The following RAB27A variants were observed in gnomAD, a reference collection of about 807,000 sequenced individuals.
RAB27A encodes RAB27A, member RAS oncogene family, also known as ras-related protein Rab-27A.
A neutral mutation model predicts 20.8 loss-of-function variants in RAB27A; 17 were observed. The observed-to-expected ratio is 0.82, with a 90% CI of 0.56 to 1.23. RAB27A has a LOEUF of 1.23. RAB27A is among the 50% of genes most tolerant of loss of function. The probability of loss-of-function intolerance (pLI) is 0.00; values close to 1 mark genes in which losing one functional copy is unlikely to be tolerated. For synonymous variants in RAB27A, 85 were observed against 92.8 expected, an observed-to-expected ratio of 0.92 and a Z score of 0.48; for missense variants, 277 against 266.7, an observed-to-expected ratio of 1.04 and a Z score of -0.27.
At chr15:55,303,116 C>T (rs1407320070) in intron 2 of RAB27A, among the ~76,000 whole-genome samples, 5 of 131,656 alleles carry the variant, frequency 3.8e-5, no homozygotes, top group South Asian at 2.5e-4. Flanking sequence ...CCAGCCGTGC[C>T]GTCCGGGAGG....
At chr15:55,227,068 T>A (rs1195269145) in intron 5 of RAB27A, among the ~76,000 whole-genome samples, 2 of 152,200 alleles carry the variant, frequency 1.3e-5, no homozygotes, top group African/African-American at 4.8e-5. Flanking sequence ...ATTAAATATA[T>A]AAAATCTTCA....
rs4462532 is a variant in RAB27A at position 55,281,016 on chromosome 15, T to C, written c.-143+8700A>G. Among the ~76,000 whole-genome samples, 26 of 152,350 alleles carry C rather than the reference T, an allele frequency of 1.7e-4. No individual in the cohort carries two copies. The South Asian group carries it at 5.0e-3, about 29-fold the overall frequency. On this transcript the variant is annotated intron_variant, in intron 1 of 6. Coordinates refer to ENST00000336787, the MANE Select transcript of RAB27A (RefSeq NM_183235.3). ...AGCATGATTTATAATCCTTTGGGCATATACCCAGTAATGGGATTGCTGGGT... is the reference window on the plus strand; with the variant it reads ...AGCATGATTTATAATCCTTTGGGCACATACCCAGTAATGGGATTGCTGGGT...
intron 2 of RAB27A, among the ~76,000 whole-genome samples, chr15:55,254,797 G>A (rs921263909): frequency 2.0e-5 from 3 of 152,142 alleles, no homozygotes; most frequent in Non-Finnish European, 4.4e-5. Flanking sequence ...TTATGAACTC[G>A]GGAGCAGCCC....
rs576973294 is a variant in RAB27A at position 55,312,176 on chromosome 15, G to C, written c.-112+1863C>G. The stretch of plus-strand genomic sequence containing the variant: ...GGCAATGGGCGCCTCGCTGGATCAG[G>C]AGCACAGCAGACACCCTGCTGGATC... On this transcript the variant is annotated intron_variant, in intron 2 of 5. Transcript: ENST00000563262. Among the ~76,000 whole-genome samples, 3 of 152,352 alleles carry C rather than the reference G, an allele frequency of 2.0e-5. No individual in the cohort carries two copies. In the East Asian group the frequency reaches 5.8e-4, roughly 29 times the overall value.
intron 2 of RAB27A, among the ~76,000 whole-genome samples, chr15:55,235,324 T>C (rs1327256295): frequency 6.6e-6 from 1 of 152,066 alleles, no homozygotes; most frequent in Non-Finnish European, 1.5e-5. Context: ...GGTGCATGCC[T>C]ATAATCCCAG....
intron 6 of RAB27A, among the ~76,000 whole-genome samples, chr15:55,222,708 G>T (rs1374486120): frequency 6.6e-6 from 1 of 152,072 alleles, no homozygotes; most frequent in Non-Finnish European, 1.5e-5. Flanking sequence ...AATAAAAAGG[G>T]AAAGGTTTTC....
chr15:55,272,416 C>CA (rs568300193), intron 1 of RAB27A, among the ~76,000 whole-genome samples: 640 of 151,806 alleles, frequency 4.2e-3, no homozygotes, highest in Non-Finnish European at 7.0e-3. Flanking sequence ...CAAAAACAAA[C>CA]AAAAAAAATC....
At chr15:55,210,391 T>TA (rs1894962354) in intron 6 of RAB27A, among the ~76,000 whole-genome samples, 1 of 149,934 alleles carries the variant, frequency 6.7e-6, no homozygotes, top group Non-Finnish European at 1.5e-5. Flanking sequence ...CAGCATCCAC[T>TA]ATTGCCTGTA....
At chr15:55,315,961 C>T (rs929866064) in intron 1 of RAB27A, among the ~76,000 whole-genome samples, 12 of 152,126 alleles carry the variant, frequency 7.9e-5, no homozygotes, top group Admixed American at 2.6e-4. Context: ...CGGCCAGGCG[C>T]GGTGGCTCAT....
intron 1 of RAB27A, among the ~76,000 whole-genome samples, chr15:55,278,973 C>G (rs1236075723): frequency 1.3e-5 from 2 of 152,198 alleles, no homozygotes; most frequent in Non-Finnish European, 2.9e-5. Flanking sequence ...CCCTACTCCA[C>G]ATTTATTAAT....
intron 2 of RAB27A, among the ~76,000 whole-genome samples, chr15:55,305,517 A>T (rs1452658591): frequency 6.6e-6 from 1 of 152,222 alleles, no homozygotes; most frequent in East Asian, 1.9e-4. Flanking sequence ...GAGTAACAAT[A>T]TTATAGCTGC....
intron 6 of RAB27A, among the ~76,000 whole-genome samples, chr15:55,206,692 C>T (rs572055973): frequency 6.6e-6 from 1 of 152,138 alleles, no homozygotes; most frequent in Admixed American, 6.5e-5. Flanking sequence ...CGTTTAAATT[C>T]CTCTAAGTGA....
intron 2 of RAB27A, among the ~76,000 whole-genome samples, chr15:55,258,037 A>G (rs1254587433): frequency 6.8e-6 from 1 of 147,386 alleles, no homozygotes; most frequent in Non-Finnish European, 1.5e-5. Flanking sequence ...ACTGCACTCC[A>G]GCCTGGGCGA....
chr15:55,299,396 C>A (rs558082372), intron 2 of RAB27A, among the ~76,000 whole-genome samples: 1 of 152,202 alleles, frequency 6.6e-6, no homozygotes, highest in East Asian at 1.9e-4. Context: ...GAGTTCAACA[C>A]CAGCCTGGCC....
intron 1 of RAB27A, among the ~76,000 whole-genome samples, chr15:55,286,912 CTTTTTTTTTT>C (rs35313703): frequency 5.3e-5 from 3 of 57,136 alleles, no homozygotes; most frequent in Non-Finnish European, 6.5e-5. Context: ...TAGATGTATT[CTTTTTTTTTT>C]TTTTTTTTTT....
At chr15:55,289,401 TCCTCCTTTC>T (rs1898248993) in intron 1 of RAB27A, 1 of 152,160 alleles carries the variant, frequency 6.6e-6, no homozygotes, top group African/African-American at 2.4e-5. Flanking sequence ...TCGGGGACTT[TCCTCCTTTC>T]CCTCCTGGAA....
intron 2 of RAB27A, among the ~76,000 whole-genome samples, chr15:55,237,964 T>C (rs2140998744): frequency 6.6e-6 from 1 of 152,316 alleles, no homozygotes; most frequent in Middle Eastern, 3.4e-3. Context: ...TTCATTTCCA[T>C]GGGTAATCAC....
At chr15:55,291,001 A>C (rs775871742), upstream of RAB27A, among the ~76,000 whole-genome samples, 22 of 152,226 alleles carry the variant, frequency 1.4e-4, no homozygotes, top group Admixed American at 2.6e-4. Context: ...GCATTACAGC[A>C]GTTAGCTTCT....
At chr15:55,232,953 A>G (rs1389913384) in intron 3 of RAB27A, among the ~76,000 whole-genome samples, 1 of 151,920 alleles carries the variant, frequency 6.6e-6, no homozygotes, top group Non-Finnish European at 1.5e-5. Flanking sequence ...GCAAAACCCC[A>G]TTACTACTAA....
Sources: allele counts gnomAD v4.1 joint callset (sites outside exome capture counted in the v4.1 genomes callset), GRCh38; gene constraint gnomAD v4.1.1; transcripts MANE v1.5; gene names NCBI Gene and HGNC (gene_info 2026-07-23, HGNC 2026-07-21).